Variants in TENM2 observed in about 807,000 individuals in gnomAD.
The protein encoded by TENM2 is teneurin transmembrane protein 2.
In TENM2, 52 loss-of-function variants were observed where a neutral mutation model predicts 245.2. That is an observed-to-expected ratio of 0.21 (90% CI 0.17 to 0.27). The LOEUF is 0.27. TENM2 is among the 10% of genes least tolerant of loss of function. The pLI, the probability that TENM2 is intolerant of heterozygous loss-of-function variation, is 1.00. For synonymous variants in TENM2, 1,363 were observed against 1,438.9 expected (o/e 0.95, Z 1.19); for missense variants, 3,046 against 3,666.8 (o/e 0.83, Z 4.37).
At chr5:167,725,233 T>C (rs1759912081) in intron 2 of TENM2, among the ~76,000 whole-genome samples, 1 of 152,188 alleles carries the variant, frequency 6.6e-6, no homozygotes. Context: ...ATAACTCCTA[T>C]GATATGGTGT....
chr5:168,153,982 C>A (rs1183587827), intron 12 of TENM2, among the ~76,000 whole-genome samples: 1 of 152,010 alleles, frequency 6.6e-6, no homozygotes, highest in East Asian at 1.9e-4. Context: ...GGAGATAAAG[C>A]AGGCACCCCC....
intron 1 of TENM2, among the ~76,000 whole-genome samples, chr5:167,286,404 C>A (rs1771350268): frequency 6.6e-6 from 1 of 152,188 alleles, no homozygotes; most frequent in South Asian, 2.1e-4. Context: ...GTAACTTCAA[C>A]AAGTGTTTTT....
intron 2 of TENM2, chr5:167,754,833 G>A: frequency 2.4e-6 from 1 of 424,370 alleles, no homozygotes; most frequent in Non-Finnish European, 4.0e-6. Flanking sequence ...GCTGGCAGCG[G>A]GGGAGGCGTC....
At chr5:167,972,585 A>G (rs2151928562) in intron 4 of TENM2, among the ~76,000 whole-genome samples, 1 of 152,316 alleles carries the variant, frequency 6.6e-6, no homozygotes, top group Non-Finnish European at 1.5e-5. Context: ...AATTCCTGGA[A>G]GTGAAATTAC....
intron 1 of TENM2, among the ~76,000 whole-genome samples, chr5:167,363,792 T>C (rs1472927175): frequency 2.7e-5 from 4 of 150,720 alleles, no homozygotes; most frequent in Non-Finnish European, 5.9e-5. Context: ...CCTTCATAGT[T>C]AAGTGTGAGC....
At chr5:168,248,861 G>A (rs1044714421) in intron 27 of TENM2, among the ~76,000 whole-genome samples, 4 of 152,194 alleles carry the variant, frequency 2.6e-5, no homozygotes, top group African/African-American at 7.2e-5. Flanking sequence ...TGCCACCCAC[G>A]TAATCCCAGC....
intron 2 of TENM2, among the ~76,000 whole-genome samples, chr5:167,753,562 A>T (rs942452731): frequency 6.6e-6 from 1 of 152,226 alleles, no homozygotes; most frequent in Admixed American, 6.5e-5. Context: ...TGCAATCTTC[A>T]TGATAACCTG....
At chr5:168,172,054 C>A (rs962580883) in intron 13 of TENM2, among the ~76,000 whole-genome samples, 1 of 152,224 alleles carries the variant, frequency 6.6e-6, no homozygotes, top group Admixed American at 6.5e-5. Flanking sequence ...ACCGGGGCAA[C>A]TCGCTCACCC....
upstream of TENM2, among the ~76,000 whole-genome samples, chr5:167,284,221 C>G (rs184589253): frequency 6.6e-6 from 1 of 152,056 alleles, no homozygotes; most frequent in Non-Finnish European, 1.5e-5. Flanking sequence ...TTCTTATTCT[C>G]CAGACAAAGC....
intron 1 of TENM2, among the ~76,000 whole-genome samples, chr5:167,289,638 T>C (rs1754525245): frequency 6.6e-6 from 1 of 152,254 alleles, no homozygotes; most frequent in African/African-American, 2.4e-5. Flanking sequence ...AAACTAATTC[T>C]TGCTCCTATG....
chr5:168,125,372 C>A (rs1010388022), intron 11 of TENM2, among the ~76,000 whole-genome samples: 1 of 152,136 alleles, frequency 6.6e-6, no homozygotes, highest in Non-Finnish European at 1.5e-5. Flanking sequence ...CAGCCCCAGA[C>A]AAACTAAATG....
the TENM2 span, among the ~76,000 whole-genome samples, chr5:167,259,734 T>A: frequency 2.1e-3 from 326 of 152,262 alleles, no homozygotes; most frequent in African/African-American, 7.3e-3. Flanking sequence ...GATTTTTTTT[T>A]TGTCTCCTCG....
chr5:167,679,242 A>G (rs184645794), intron 2 of TENM2, among the ~76,000 whole-genome samples: 63 of 152,264 alleles, frequency 4.1e-4, no homozygotes, highest in African/African-American at 1.5e-3. Context: ...TCTACCTAGG[A>G]ATAAATAGTA....
At chr5:167,609,328 G>T (rs967618211) in intron 2 of TENM2, among the ~76,000 whole-genome samples, 15 of 151,898 alleles carry the variant, frequency 9.9e-5, no homozygotes, top group African/African-American at 3.6e-4. Flanking sequence ...ATTGTACTTG[G>T]ATATCCAATC....
chr5:167,210,874 T>C, the TENM2 span, among the ~76,000 whole-genome samples: 1 of 152,174 alleles, frequency 6.6e-6, no homozygotes, highest in Admixed American at 6.5e-5. Context: ...TGAACAAAGT[T>C]TGTGCTGGGT....
At chr5:167,151,509 TTTC>T in the TENM2 span, among the ~76,000 whole-genome samples, 3 of 152,062 alleles carry the variant, frequency 2.0e-5, no homozygotes, top group East Asian at 1.9e-4. Flanking sequence ...AGCAAATGCT[TTTC>T]TTCTTCTTTT....
intron 9 of TENM2, among the ~76,000 whole-genome samples, chr5:168,100,839 G>A (rs1793750914): frequency 6.6e-6 from 1 of 151,638 alleles, no homozygotes; most frequent in African/African-American, 2.4e-5. Flanking sequence ...CCAGATGACA[G>A]GTTGATGGGT....
At chr5:168,220,252 A>C (rs1316512373) in intron 23 of TENM2, among the ~76,000 whole-genome samples, 1 of 152,150 alleles carries the variant, frequency 6.6e-6, no homozygotes, top group Non-Finnish European at 1.5e-5. Flanking sequence ...GTTTCAACCA[A>C]AGACCTAATG....
chr5:167,345,202 A>G (rs188606526), intron 1 of TENM2, among the ~76,000 whole-genome samples: 1 of 152,334 alleles, frequency 6.6e-6, no homozygotes, highest in Admixed American at 6.5e-5. Flanking sequence ...AGGGAGGCTG[A>G]CAGTCAGCTT....
Sources: allele counts gnomAD v4.1 joint callset (sites outside exome capture counted in the v4.1 genomes callset), GRCh38; gene constraint gnomAD v4.1.1; transcripts MANE v1.5; gene names NCBI Gene and HGNC (gene_info 2026-07-23, HGNC 2026-07-21).